ERC2: variants seen among roughly 807,000 people sequenced by gnomAD.
ERC2 encodes ELKS/RAB6-interacting/CAST family member 2, also known as ERC protein 2.
Under a neutral mutation model 114.8 loss-of-function variants are expected in ERC2, and 42 were observed. That is an observed-to-expected ratio of 0.37 (90% CI 0.29 to 0.47). The LOEUF (loss-of-function observed/expected upper bound fraction) is 0.47. Among genes scored for constraint, ERC2 ranks in the 20% least tolerant of loss-of-function variants. The pLI, the probability that ERC2 is intolerant of heterozygous loss-of-function variation, is 0.99. For missense variants in ERC2, 939 were observed against 1,150.7 expected, an observed-to-expected ratio of 0.82 and a Z score of 2.66; for synonymous variants, 454 against 425.5, an observed-to-expected ratio of 1.07 and a Z score of -0.82.
chr3:55,856,941 T>C (rs2061813243), intron 14 of ERC2, among the ~76,000 whole-genome samples: 4 of 152,170 alleles, frequency 2.6e-5, no homozygotes. Flanking sequence ...ATGATTCCAT[T>C]TATATGGAAT....
At chr3:55,980,436 C>T (rs73084796) in intron 12 of ERC2, among the ~76,000 whole-genome samples, 42,205 of 152,048 alleles carry the variant, frequency 0.28, 7,213 homozygotes, top group Middle Eastern at 0.36. Flanking sequence ...GCACCTTCAC[C>T]CAATATGGAA....
At position 55,699,516 on chromosome 3, in the gene ERC2, T is replaced by C; in HGVS notation, c.2713-4A>G. On this transcript the variant is annotated splice_polypyrimidine_tract_variant and splice_region_variant and intron_variant, in intron 15 of 17. Transcript: ENST00000288221. Reference sequence around the variant, plus strand: ...TCAACTTCATTCTGTTCTGGGTCTGTGCAGAACAAAAACCAAGGAAGATTC... The same window carrying C: ...TCAACTTCATTCTGTTCTGGGTCTGCGCAGAACAAAAACCAAGGAAGATTC... 6.3e-7 allele frequency: 1 copy of C among 1,596,914 alleles called. No homozygotes were observed. The highest frequency in any genetic ancestry group is 8.6e-7 in the Non-Finnish European group (1 of 1,168,578).
chr3:55,943,466 T>C (rs2066935839), intron 13 of ERC2, among the ~76,000 whole-genome samples: 1 of 152,066 alleles, frequency 6.6e-6, no homozygotes, highest in South Asian at 2.1e-4. Flanking sequence ...GCGTTTTTTT[T>C]TTCAGTGTAC....
intron 17 of ERC2, among the ~76,000 whole-genome samples, chr3:55,534,705 C>T (rs1308694020): frequency 1.3e-5 from 2 of 151,998 alleles, no homozygotes; most frequent in Non-Finnish European, 2.9e-5. Context: ...AAGAGAAGGA[C>T]CTAGTACAGG....
intron 14 of ERC2, among the ~76,000 whole-genome samples, chr3:55,869,507 C>T (rs1361851634): frequency 6.6e-6 from 1 of 152,124 alleles, no homozygotes; most frequent in Non-Finnish European, 1.5e-5. Context: ...CCATATGAAA[C>T]CATTCTTCTG....
rs869296098 is a variant in ERC2, at chr3:55,675,903, C to CTTTTTTTTTTTTTTT, written c.*39+7876_*39+7890dup. Among the ~76,000 whole-genome samples the CTTTTTTTTTTTTTTT allele has an allele frequency of 9.8e-3, 469 of 47,988 alleles. 84 individuals are homozygous for CTTTTTTTTTTTTTTT. The highest frequency in any genetic ancestry group is 0.011 in the Non-Finnish European group (321 of 28,366). The allele number at this position is 47,988 out of a possible 152,430, so 31.5% of individuals were successfully genotyped here. A position where few individuals can be genotyped will look rare whatever the true frequency, so the allele number is the denominator to read the frequency against. On this transcript the variant is annotated intron_variant, in intron 17 of 17. Coordinates refer to ENST00000288221, the MANE Select transcript of ERC2 (RefSeq NM_015576.3). Reference sequence around the variant, plus strand: ...TTCCATCTTTCTTTCTCTTTTCTTTCTTTTTTTTTTTTTTTTTTTTTTTTT... The same window carrying CTTTTTTTTTTTTTTT: ...TTCCATCTTTCTTTCTCTTTTCTTTCTTTTTTTTTTTTTTTTTTTTTTTTTTTTTTTTTTTTTTTT...
intron 6 of ERC2, among the ~76,000 whole-genome samples, chr3:56,103,778 TC>T (rs2149810743): frequency 6.6e-6 from 1 of 152,112 alleles, no homozygotes; most frequent in East Asian, 1.9e-4. Flanking sequence ...TATCTATCTA[TC>T]TATCTATCCA....
intron 17 of ERC2, among the ~76,000 whole-genome samples, chr3:55,682,504 A>G (rs1446212240): frequency 6.6e-6 from 1 of 152,226 alleles, no homozygotes; most frequent in Admixed American, 6.5e-5. Context: ...AAACTGACCC[A>G]TTAGTGGGAC....
intron 14 of ERC2, among the ~76,000 whole-genome samples, chr3:55,773,370 T>A (rs1465947419): frequency 6.6e-6 from 1 of 152,236 alleles, no homozygotes; most frequent in African/African-American, 2.4e-5. Flanking sequence ...GCCTTCTCTA[T>A]GAGGTCTTTT....
At chr3:56,166,095 G>A (rs145572020) in intron 4 of ERC2, among the ~76,000 whole-genome samples, 1 of 151,792 alleles carries the variant, frequency 6.6e-6, no homozygotes, top group African/African-American at 2.4e-5. Flanking sequence ...CATTTTTGGG[G>A]GCCATGGATG....
intron 17 of ERC2, among the ~76,000 whole-genome samples, chr3:55,638,771 C>T (rs1464729440): frequency 2.0e-5 from 3 of 152,196 alleles, no homozygotes; most frequent in African/African-American, 7.2e-5. Context: ...GCTGGCTAAT[C>T]ACTACCACTT....
intron 6 of ERC2, among the ~76,000 whole-genome samples, chr3:56,124,258 G>A (rs2079751790): frequency 6.6e-6 from 1 of 152,114 alleles, no homozygotes; most frequent in East Asian, 1.9e-4. Flanking sequence ...GCACCTAAGG[G>A]AAAAATACTT....
intron 13 of ERC2, among the ~76,000 whole-genome samples, chr3:55,923,145 A>G (rs563611681): frequency 6.6e-6 from 1 of 152,304 alleles, no homozygotes; most frequent in East Asian, 1.9e-4. Flanking sequence ...TCTATTGAAG[A>G]TGAATGAATA....
intron 3 of ERC2, among the ~76,000 whole-genome samples, chr3:56,210,081 T>C (rs2048967182): frequency 6.6e-6 from 1 of 152,158 alleles, no homozygotes; most frequent in Non-Finnish European, 1.5e-5. Flanking sequence ...TAAATTAAAT[T>C]GCAAGTAAAA....
chr3:55,739,006 C>T lies in ERC2; in HGVS notation c.2565-4088G>A, dbSNP rs566966903. 4.7e-3 allele frequency among the ~76,000 whole-genome samples: 720 copies of T among 152,164 alleles called. 8 individuals carry two copies. The highest frequency in any genetic ancestry group is 3.3e-3 in the Non-Finnish European group (224 of 68,012). The stretch of plus-strand genomic sequence containing the variant: ...ACTCCCACCTATGAGTGAGAACATG[C>T]AGTGTTTGGTTTTCTGTTCTTGTGT... On this transcript the variant is annotated intron_variant, in intron 14 of 17. Transcript: ENST00000288221.
chr3:56,397,741 T>C (rs923862151), intron 2 of ERC2, among the ~76,000 whole-genome samples: 1 of 152,128 alleles, frequency 6.6e-6, no homozygotes, highest in African/African-American at 2.4e-5. Context: ...ATCACAAAAA[T>C]CTGTGGAAAT....
At chr3:55,822,848 C>T (rs1305505672) in intron 14 of ERC2, among the ~76,000 whole-genome samples, 2 of 152,112 alleles carry the variant, frequency 1.3e-5, no homozygotes, top group Non-Finnish European at 2.9e-5. Flanking sequence ...CTCCTGACCT[C>T]GTGATCCACC....
intron 17 of ERC2, among the ~76,000 whole-genome samples, chr3:55,538,825 G>A (rs375660106): frequency 2.6e-5 from 4 of 152,132 alleles, no homozygotes; most frequent in East Asian, 1.9e-4. Flanking sequence ...GCTTTTAACC[G>A]CCTATTAATA....
intron 1 of ERC2, among the ~76,000 whole-genome samples, chr3:56,453,132 C>T (rs2062899694): frequency 6.6e-6 from 1 of 152,194 alleles, no homozygotes; most frequent in South Asian, 2.1e-4. Context: ...CCTAGCCTGC[C>T]CATCCCTACA....
Sources: gnomAD v4.1 joint callset for allele counts (sites outside exome capture counted in the v4.1 genomes callset) on GRCh38, gnomAD v4.1.1 for gene constraint, MANE v1.5 for transcripts, NCBI Gene and HGNC (gene_info 2026-07-23, HGNC 2026-07-21) for gene names.